The following SND1 variants were observed in gnomAD, a reference collection of about 807,000 sequenced individuals.
The protein encoded by SND1 is staphylococcal nuclease domain-containing protein 1.
SND1 carries 38 observed loss-of-function variants against 121.7 expected under a neutral mutation model. The observed-to-expected ratio is 0.31, with a 90% CI of 0.24 to 0.41. SND1 has a LOEUF of 0.41. SND1 is among the 10% of genes least tolerant of loss of function. The pLI, the probability that SND1 is intolerant of heterozygous loss-of-function variation, is 1.00. For synonymous variants in SND1, 401 were observed against 447.4 expected, an observed-to-expected ratio of 0.90 and a Z score of 1.31; for missense variants, 868 against 1,184.6, an observed-to-expected ratio of 0.73 and a Z score of 3.92.
chr7:127,898,122 C>T (rs142239199), intron 13 of SND1, among the ~76,000 whole-genome samples: 105 of 152,130 alleles, frequency 6.9e-4, no homozygotes, highest in African/African-American at 2.5e-3. Context: ...GTTCATAATC[C>T]CTTTCCTCCC....
chr7:127,655,591 T>C (rs1795196256), intron 1 of SND1, among the ~76,000 whole-genome samples: 1 of 152,224 alleles, frequency 6.6e-6, no homozygotes, highest in Admixed American at 6.5e-5. Context: ...CCCAGATAAA[T>C]ACATGTCTTC....
intron 1 of SND1, among the ~76,000 whole-genome samples, chr7:127,681,215 A>G (rs560070560): frequency 1.3e-5 from 2 of 152,272 alleles, no homozygotes; most frequent in East Asian, 3.9e-4. Flanking sequence ...GTGATATGTC[A>G]TTGTAGCTTT....
intron 9 of SND1, among the ~76,000 whole-genome samples, chr7:127,712,707 G>C (rs1438925180): frequency 6.6e-6 from 1 of 152,064 alleles, no homozygotes; most frequent in Non-Finnish European, 1.5e-5. Flanking sequence ...CAGCTTCCAG[G>C]GTTTTGTTGC....
chr7:127,842,917 C>T (rs560156479), intron 11 of SND1, among the ~76,000 whole-genome samples: 3 of 152,250 alleles, frequency 2.0e-5, no homozygotes, highest in South Asian at 4.1e-4. Flanking sequence ...TTTTTAAATA[C>T]AGGTTTTCAA....
intron 12 of SND1, among the ~76,000 whole-genome samples, chr7:127,871,879 C>A (rs1799595729): frequency 6.6e-6 from 1 of 152,070 alleles, no homozygotes; most frequent in Non-Finnish European, 1.5e-5. Flanking sequence ...ACCTGTAATC[C>A]CAACACTTTG....
intron 15 of SND1, among the ~76,000 whole-genome samples, chr7:127,961,864 G>C (rs1801739550): frequency 6.6e-6 from 1 of 152,164 alleles, no homozygotes; most frequent in Non-Finnish European, 1.5e-5. Context: ...AAATCAACAG[G>C]ACACCCTCCT....
At chr7:128,025,053 G>A (rs1803443056) in intron 16 of SND1, among the ~76,000 whole-genome samples, 1 of 152,170 alleles carries the variant, frequency 6.6e-6, no homozygotes, top group South Asian at 2.1e-4. Context: ...GTGGGATCCT[G>A]CAGTTTCTGT....
At chr7:127,708,427 CT>C (rs1286887784) in intron 9 of SND1, among the ~76,000 whole-genome samples, 3 of 149,792 alleles carry the variant, frequency 2.0e-5, no homozygotes, top group Non-Finnish European at 4.5e-5. Flanking sequence ...GCCTTCCTCC[CT>C]TCCTCCCTTC....
At chr7:127,751,090 A>T (rs570721186) in intron 10 of SND1, among the ~76,000 whole-genome samples, 145 of 152,224 alleles carry the variant, frequency 9.5e-4, no homozygotes, top group African/African-American at 3.4e-3. Flanking sequence ...CTAGAAAATT[A>T]GTGTAAGCAA....
chr7:127,755,613 G>A (rs1252985949), intron 10 of SND1, among the ~76,000 whole-genome samples: 2 of 152,264 alleles, frequency 1.3e-5, no homozygotes, highest in African/African-American at 4.8e-5. Context: ...TGCTGCTGGT[G>A]AATGATAGGA....
intron 13 of SND1, among the ~76,000 whole-genome samples, chr7:127,900,165 A>G (rs1800200580): frequency 6.6e-6 from 1 of 152,204 alleles, no homozygotes; most frequent in Non-Finnish European, 1.5e-5. Context: ...GATCAGAGAT[A>G]TTTCTAGCAT....
chr7:127,666,472 G>A (rs1169313145), intron 1 of SND1, among the ~76,000 whole-genome samples: 1 of 152,136 alleles, frequency 6.6e-6, no homozygotes, highest in Non-Finnish European at 1.5e-5. Flanking sequence ...GATGGCACAA[G>A]GCTAAGCATA....
intron 16 of SND1, among the ~76,000 whole-genome samples, chr7:128,006,167 T>C (rs1381906082): frequency 1.3e-5 from 2 of 152,184 alleles, no homozygotes; most frequent in East Asian, 3.9e-4. Flanking sequence ...ACCAGGAATG[T>C]AGAGTGGAGA....
chr7:127,724,916 C>T (rs1796555485), intron 10 of SND1, among the ~76,000 whole-genome samples: 1 of 152,310 alleles, frequency 6.6e-6, no homozygotes, highest in East Asian at 1.9e-4. Flanking sequence ...ATGGATGCTG[C>T]TCCAGCAGTC....
chr7:127,702,461 A>G lies in SND1; in HGVS notation c.616A>G (p.Ser206Gly), dbSNP rs1261388934. The G allele has an allele frequency of 1.9e-6, 3 of 1,614,068 alleles. No homozygotes were observed. Among genetic ancestry groups the G allele is most frequent in the Non-Finnish European group, 2.5e-6 (3 of 1,180,008 alleles). The stretch of plus-strand genomic sequence containing the variant: ...TATCATCGAGCATGTGCGGGACGGC[A>G]GTGTGGTCAGGGCCCTGCTCCTCCC... ...NAIIEHVRDG[S>G]VVRALLLPDY... The change falls in exon 6 of 24, where the codon AGT (serine) becomes GGT (glycine). Residue 206 changes from serine (S) to glycine (G), a missense_variant. By Grantham distance (56) the Ser-to-Gly change is moderately conservative (BLOSUM62 0). Coordinates refer to ENST00000354725, the MANE Select transcript of SND1 (RefSeq NM_014390.4).
intron 10 of SND1, among the ~76,000 whole-genome samples, chr7:127,801,866 G>A (rs1279063292): frequency 2.0e-5 from 3 of 151,982 alleles, no homozygotes; most frequent in African/African-American, 7.3e-5. Context: ...TTTTGAGACA[G>A]AGTCTTGCTC....
At chr7:127,713,521 T>C (rs1290630747) in intron 9 of SND1, among the ~76,000 whole-genome samples, 3 of 152,224 alleles carry the variant, frequency 2.0e-5, no homozygotes, top group African/African-American at 7.2e-5. Context: ...GATCATGTGA[T>C]TGTGAAGCCT....
At chr7:128,088,279 TAAAAA>T (rs35128808) in intron 21 of SND1, among the ~76,000 whole-genome samples, 1 of 104,330 alleles carries the variant, frequency 9.6e-6, no homozygotes, top group Non-Finnish European at 1.9e-5. Context: ...ACCCTGTCTC[TAAAAA>T]AAAAAAAAAA....
intron 15 of SND1, among the ~76,000 whole-genome samples, chr7:127,970,430 T>C (rs1393727362): frequency 6.6e-6 from 1 of 152,234 alleles, no homozygotes; most frequent in Admixed American, 6.5e-5. Flanking sequence ...TAAGGTTCTT[T>C]CTCCAGCTAT....
Sources: gnomAD v4.1 joint callset for allele counts (sites outside exome capture counted in the v4.1 genomes callset) on GRCh38, gnomAD v4.1.1 for gene constraint, MANE v1.5 for transcripts, NCBI Gene and HGNC (gene_info 2026-07-23, HGNC 2026-07-21) for gene names.